Variants in GRK5 observed in about 807,000 individuals in gnomAD.
The protein encoded by GRK5 is G protein-coupled receptor kinase 5, also known as g protein-coupled receptor kinase GRK5.
In GRK5, 40 loss-of-function variants were observed where a neutral mutation model predicts 78.4. The ratio of observed to expected loss-of-function variants is 0.51; its 90% CI spans 0.40 to 0.66. The LOEUF (loss-of-function observed/expected upper bound fraction) is 0.66, where lower values mean the gene tolerates loss of function less well. Ranked by LOEUF, GRK5 falls within the 30% of genes least tolerant of loss-of-function variation. The pLI is 0.00. For missense variants in GRK5, 598 were observed against 759.9 expected (o/e 0.79, Z 2.50); for synonymous variants, 289 against 296.8 (o/e 0.97, Z 0.27).
In GRK5 at chr10:119,452,238, T is replaced by C. The variant is rs138170973; in HGVS notation, c.1405-433T>C. On this transcript the variant is annotated intron_variant, in intron 13 of 15. Coordinates refer to ENST00000392870, the MANE Select transcript of GRK5 (RefSeq NM_005308.3). The surrounding 1 kb of genome is among the most constrained non-coding windows in gnomAD (Gnocchi z 4.4). ...GAAACAGGACATAGGCCTCAGGGGA[T>C]ATGAGACTTCCCCAAAGTTCCTAAG... Among the ~76,000 whole-genome samples, 18 of 152,304 alleles carry C rather than the reference T, an allele frequency of 1.2e-4. No individual in the cohort carries two copies. Among genetic ancestry groups the C allele is most frequent in the African/African-American group, 4.1e-4 (17 of 41,562 alleles).
chr10:119,357,735 A>G (rs1589762348), intron 2 of GRK5, among the ~76,000 whole-genome samples: 1 of 151,140 alleles, frequency 6.6e-6, no homozygotes, highest in East Asian at 2.0e-4. Flanking sequence ...TTCACTCCCC[A>G]CTTCTTGTTC....
At chr10:119,344,809 G>A (rs1254071901) in intron 2 of GRK5, among the ~76,000 whole-genome samples, 1 of 152,008 alleles carries the variant, frequency 6.6e-6, no homozygotes, top group Non-Finnish European at 1.5e-5. Flanking sequence ...GGGGTGCAGA[G>A]GGAGCTTCCC....
Position 119,323,079 on chromosome 10 carries a change from GA to G in GRK5, c.53-3436del, listed in dbSNP as rs1284097275. Among the ~76,000 whole-genome samples, 5 of 152,354 alleles carry G rather than the reference GA, an allele frequency of 3.3e-5. No homozygotes were observed. The East Asian group carries it at 9.6e-4, about 29-fold the overall frequency. On this transcript the variant is annotated intron_variant, in intron 1 of 15. Transcript: ENST00000392870. Reference sequence around the variant, plus strand: ...AAGAACATGTATGATTCCCTTATACGAGGTATCTAGAGTAGTCACAATCACA... The same window carrying G: ...AAGAACATGTATGATTCCCTTATACGGGTATCTAGAGTAGTCACAATCACA...
At chr10:119,451,112 CTGCCAGCCCCCCACAGTCATCCA>C (rs555556565) in intron 13 of GRK5, among the ~76,000 whole-genome samples, 4,831 of 96,892 alleles carry the variant, frequency 0.05, 324 homozygotes, top group African/African-American at 0.18. Flanking sequence ...ACCGTCGTCC[CTGCCAGCCCCCCACAGTCATCCA>C]TGCCAGCCCC....
In GRK5 at chr10:119,288,952, A is replaced by C. The variant is rs1167852675; in HGVS notation, c.53-37564A>C. ...CCAACAGCACTCAGGTCACATTCCC[A>C]GAGAGCCTGCACAAGAGGGCTGAGT... On this transcript the variant is annotated intron_variant, in intron 1 of 15. Transcript: ENST00000392870. Among the ~76,000 whole-genome samples, 4 of 152,230 alleles carry C rather than the reference A, an allele frequency of 2.6e-5. No homozygotes were observed. In the East Asian group the frequency reaches 7.7e-4, roughly 29 times the overall value.
chr10:119,416,578 T>G (rs1424629951), intron 4 of GRK5, among the ~76,000 whole-genome samples: 1 of 41,184 alleles, frequency 2.4e-5, no homozygotes, highest in African/African-American at 1.6e-4. Context: ...AATTGATCGC[T>G]CTCTCTCTCT....
chr10:119,249,177 A>T (rs1849158650), intron 1 of GRK5, among the ~76,000 whole-genome samples: 1 of 151,268 alleles, frequency 6.6e-6, no homozygotes, highest in Non-Finnish European at 1.5e-5. Flanking sequence ...AGGCTGAGAC[A>T]GGAGAATAAC....
chr10:119,276,374 G>T (rs1027133203), intron 1 of GRK5, among the ~76,000 whole-genome samples: 1 of 151,898 alleles, frequency 6.6e-6, no homozygotes, highest in African/African-American at 2.4e-5. Flanking sequence ...CCTTGCTATA[G>T]TTTACTGAGA....
At chr10:119,371,426 C>T (rs1020458786) in intron 2 of GRK5, among the ~76,000 whole-genome samples, 16 of 152,356 alleles carry the variant, frequency 1.1e-4, no homozygotes, top group African/African-American at 2.4e-4. Flanking sequence ...TCATGTCACT[C>T]GAAAAGAATG....
In GRK5 at chr10:119,271,532, C is replaced by T. The variant is rs1012742368; in HGVS notation, c.53-54984C>T. 6.6e-6 allele frequency among the ~76,000 whole-genome samples: 1 copy of T among 152,316 alleles called. No individual in the cohort carries two copies. The highest frequency in any genetic ancestry group is 2.1e-4 in the South Asian group (1 of 4,828). On this transcript the variant is annotated intron_variant, in intron 1 of 15. Transcript: ENST00000392870. This position sits in a 1 kb window ranked among gnomAD's most constrained non-coding sequence, Gnocchi z 4.1. ...ACAAAGAGGAATTTGGAGCCCTGGA[C>T]GGGGTGGCTGCACTGAGTCACCAGC...
intron 12 of GRK5, among the ~76,000 whole-genome samples, chr10:119,446,114 C>T (rs1564938691): frequency 6.6e-6 from 1 of 152,190 alleles, no homozygotes. Context: ...CTGTACCCCT[C>T]CTCCAGGAAG....
At chr10:119,262,047 A>C (rs1849416427) in intron 1 of GRK5, among the ~76,000 whole-genome samples, 1 of 152,114 alleles carries the variant, frequency 6.6e-6, no homozygotes, top group Non-Finnish European at 1.5e-5. Context: ...GCTTTAATAC[A>C]TTTACATTTT....
chr10:119,423,177 C>T lies in GRK5; in HGVS notation c.351C>T (p.Phe117=). 4 of 1,613,042 alleles carry T rather than the reference C, an allele frequency of 2.5e-6. No individual in the cohort carries two copies. Among genetic ancestry groups the T allele is most frequent in the Non-Finnish European group, 3.4e-6 (4 of 1,178,986 alleles). The change falls in exon 5 of 16, where the codon TTC becomes TTT. Residue 117 remains phenylalanine (F), a synonymous_variant. Coordinates refer to ENST00000392870, the MANE Select transcript of GRK5 (RefSeq NM_005308.3). ...TKYLTPKSPV[F]IAQVGQDLVS... ...CTTCCTTCTTCCAGTCCCCTGTTTT[C>T]ATAGCCCAAGTTGGCCAAGACCTGG...
chr10:119,305,470 T>A (rs1447896893), intron 1 of GRK5, among the ~76,000 whole-genome samples: 1 of 152,194 alleles, frequency 6.6e-6, no homozygotes, highest in Non-Finnish European at 1.5e-5. Flanking sequence ...TCCTCTTGGG[T>A]GGAAGCCCCA....
At chr10:119,208,493 A>G (rs1202335964) in intron 1 of GRK5, 1 of 154,752 alleles carries the variant, frequency 6.5e-6, no homozygotes, top group East Asian at 1.9e-4. Context: ...GAAGCCTTTT[A>G]AAGGCAAAGT....
chr10:119,391,415 T>C (rs1210279105), intron 3 of GRK5, among the ~76,000 whole-genome samples: 1 of 152,250 alleles, frequency 6.6e-6, no homozygotes, highest in Admixed American at 6.5e-5. Context: ...AGCCAGGTCC[T>C]GGCAGAAAAC....
rs1033720193 is a variant in GRK5 at position 119,379,283 on chromosome 10, C to G, written c.149-1532C>G. ...AGACTAGACAACTGAGGGGCAGTGT[C>G]AAGCCTGTTGCCCCAGGTTACACAG... On this transcript the variant is annotated intron_variant, in intron 2 of 15. Transcript: ENST00000392870. The surrounding 1 kb of genome is among the most constrained non-coding windows in gnomAD (Gnocchi z 4.1). 1.3e-5 allele frequency among the ~76,000 whole-genome samples: 2 copies of G among 152,142 alleles called. No individual in the cohort carries two copies. The highest frequency in any genetic ancestry group is 4.8e-5 in the African/African-American group (2 of 41,414).
chr10:119,408,704 G>C (rs957776707), intron 4 of GRK5, among the ~76,000 whole-genome samples: 1 of 152,178 alleles, frequency 6.6e-6, no homozygotes, highest in Non-Finnish European at 1.5e-5. Context: ...GGGAGGGAGG[G>C]AGTAGGGAGT....
rs746075002 is a variant in GRK5, at chr10:119,442,132, A to C, written c.1057+44A>C. ...GTGTCAATGCACCTTGAGACCCACC[A>C]CCTGCTCACCGCCGGCCGAGCCCCC... On this transcript the variant is annotated intron_variant, in intron 11 of 15. Transcript: ENST00000392870. The C allele has an allele frequency of 3.9e-6, 6 of 1,519,802 alleles. No individual in the cohort carries two copies. The South Asian group carries it at 6.7e-5, about 17-fold the overall frequency. The allele number at this position is 1,519,802 out of a possible 1,614,324, so 94.1% of individuals were successfully genotyped here. A position where few individuals can be genotyped will look rare whatever the true frequency, so the allele number is the denominator to read the frequency against.
Sources: allele counts gnomAD v4.1 joint callset (sites outside exome capture counted in the v4.1 genomes callset), GRCh38; gene constraint gnomAD v4.1.1; non-coding constraint Gnocchi (gnomAD v3.1); transcripts MANE v1.5; gene names NCBI Gene and HGNC (gene_info 2026-07-23, HGNC 2026-07-21).